Variants in PTK2 observed in about 807,000 individuals in gnomAD.
PTK2 encodes protein tyrosine kinase 2, also known as focal adhesion kinase 1.
In PTK2, 45 loss-of-function variants were observed where a neutral mutation model predicts 150.1. That is an observed-to-expected ratio of 0.30 (90% CI 0.24 to 0.38). PTK2 has a LOEUF of 0.38. PTK2 is among the 10% of genes least tolerant of loss of function. PTK2 has a pLI of 1.00. For synonymous variants in PTK2, 432 were observed against 449.2 expected, an observed-to-expected ratio of 0.96 and a Z score of 0.48; for missense variants, 919 against 1,307.3, an observed-to-expected ratio of 0.70 and a Z score of 4.58.
At chr8:140,743,491 A>G (rs2100056902) in intron 19 of PTK2, among the ~76,000 whole-genome samples, 161 bp from the exon 23 acceptor site, 1 of 152,102 alleles carries the variant, frequency 6.6e-6, no homozygotes. Context: ...TAAATCTCAT[A>G]TATACACACA....
At chr8:140,900,300 AT>A (rs1204637186) in intron 2 of PTK2, among the ~76,000 whole-genome samples, 3 of 152,252 alleles carry the variant, frequency 2.0e-5, no homozygotes, top group Non-Finnish European at 2.9e-5. Context: ...ACAACGAACA[AT>A]GTATAAAATA....
intron 2 of PTK2, among the ~76,000 whole-genome samples, chr8:140,915,637 C>T (rs532228398): frequency 2.0e-5 from 3 of 152,116 alleles, no homozygotes; most frequent in Non-Finnish European, 2.9e-5. Flanking sequence ...TGGCTCACGC[C>T]TGTAATCCCA....
chr8:140,834,688 T>C (rs951697874), intron 7 of PTK2, among the ~76,000 whole-genome samples: 3 of 152,184 alleles, frequency 2.0e-5, no homozygotes, highest in Non-Finnish European at 2.9e-5. Context: ...AACAACTAAC[T>C]ACAACACAGT....
At chr8:140,983,306 G>A (rs931085361) in intron 1 of PTK2, among the ~76,000 whole-genome samples, 10 of 142,212 alleles carry the variant, frequency 7.0e-5, no homozygotes, top group African/African-American at 2.6e-4. Flanking sequence ...AGAATTGCTT[G>A]AACCCAGGAG....
intron 1 of PTK2, among the ~76,000 whole-genome samples, chr8:140,932,222 C>CT (rs1029187889): frequency 2.6e-5 from 4 of 151,864 alleles, no homozygotes; most frequent in Non-Finnish European, 5.9e-5. Context: ...TTTAACATTT[C>CT]TTTTTTTTCT....
intron 14 of PTK2, among the ~76,000 whole-genome samples, chr8:140,774,564 C>T (rs2100077338): frequency 6.6e-6 from 1 of 152,178 alleles, no homozygotes; most frequent in Admixed American, 6.5e-5. Flanking sequence ...ACAACTCCAT[C>T]TTGAATAGGG....
chr8:140,794,689 G>C (rs192663536), intron 12 of PTK2, among the ~76,000 whole-genome samples: 8 of 152,070 alleles, frequency 5.3e-5, no homozygotes, highest in African/African-American at 1.4e-4. Context: ...GCACCTCTTC[G>C]TCTTCTTTAT....
intron 16 of PTK2, among the ~76,000 whole-genome samples, chr8:140,759,353 A>G (rs529711938): frequency 6.6e-6 from 1 of 151,718 alleles, no homozygotes; most frequent in Non-Finnish European, 1.5e-5. Flanking sequence ...GGGCAACATC[A>G]TGGGACCCTG....
At chr8:140,732,256 A>G (rs755348253) in intron 22 of PTK2, among the ~76,000 whole-genome samples, 3 of 152,214 alleles carry the variant, frequency 2.0e-5, no homozygotes, top group African/African-American at 7.2e-5. Context: ...GCCTAATTGT[A>G]TATGTTCAAA....
chr8:140,660,331 C>A (rs1200996077), intron 31 of PTK2, among the ~76,000 whole-genome samples: 5 of 152,170 alleles, frequency 3.3e-5, no homozygotes, highest in Admixed American at 3.3e-4. Flanking sequence ...TCTTTAGTCT[C>A]CAAGCCAGGA....
intron 16 of PTK2, among the ~76,000 whole-genome samples, chr8:140,755,017 C>T (rs1189017913): frequency 6.6e-6 from 1 of 152,140 alleles, no homozygotes; most frequent in African/African-American, 2.4e-5. Flanking sequence ...AATGAAAATA[C>T]CACCTTGTGG....
chr8:140,743,348 G>A lies in PTK2; in HGVS notation c.1635-18C>T, dbSNP rs376561942. ...CAATGTCCCTGATAAAGAAGAATTTGAGACAATAAGACTTAAAATAAGAAA... is the reference window on the plus strand; with the variant it reads ...CAATGTCCCTGATAAAGAAGAATTTAAGACAATAAGACTTAAAATAAGAAA... On this transcript the variant is annotated intron_variant, in intron 19 of 31. Coordinates refer to ENST00000522684, the Ensembl canonical transcript of PTK2. The A allele has an allele frequency of 9.9e-5, 157 of 1,585,998 alleles. No homozygotes were observed. The highest frequency in any genetic ancestry group is 1.2e-4 in the Non-Finnish European group (138 of 1,155,990).
At chr8:140,873,529 G>C (rs747567771) in intron 4 of PTK2, among the ~76,000 whole-genome samples, 2 of 151,956 alleles carry the variant, frequency 1.3e-5, no homozygotes, top group South Asian at 2.1e-4. Context: ...GGAGTGGCAC[G>C]ATCTCGGCTC....
At chr8:140,784,219 A>G (rs1388976682) in intron 14 of PTK2, among the ~76,000 whole-genome samples, 1 of 152,196 alleles carries the variant, frequency 6.6e-6, no homozygotes, top group Admixed American at 6.5e-5. Flanking sequence ...AGACAATCAA[A>G]CCAAGCATTT....
At chr8:140,804,900 C>G (rs140998440) in intron 10 of PTK2, among the ~76,000 whole-genome samples, 1 of 152,302 alleles carries the variant, frequency 6.6e-6, no homozygotes, top group Non-Finnish European at 1.5e-5. Context: ...TCTGCATATT[C>G]TTCCCACTTA....
chr8:140,800,542 G>A (rs1354010603), exon 12 of PTK2: 4 of 1,613,788 alleles, frequency 2.5e-6, no homozygotes, highest in Admixed American at 1.7e-5. Context: ...CATATTCTCC[G>A]CAATGGTTAG....
chr8:140,983,087 T>A (rs928892412), intron 1 of PTK2, among the ~76,000 whole-genome samples: 7 of 152,180 alleles, frequency 4.6e-5, no homozygotes, highest in African/African-American at 4.8e-5. Context: ...AACAAACAGA[T>A]GCTTATTTTA....
intron 16 of PTK2, among the ~76,000 whole-genome samples, chr8:140,760,426 C>T (rs774570672): frequency 2.0e-5 from 3 of 151,938 alleles, no homozygotes; most frequent in Non-Finnish European, 2.9e-5. Context: ...TAACACATAC[C>T]GCAACATGGA....
intron 15 of PTK2, among the ~76,000 whole-genome samples, chr8:140,763,353 T>C (rs912660912): frequency 6.6e-6 from 1 of 152,200 alleles, no homozygotes. Flanking sequence ...ACATTTATTT[T>C]ACAAATATAT....
Sources: gnomAD v4.1 joint callset for allele counts (sites outside exome capture counted in the v4.1 genomes callset) on GRCh38, gnomAD v4.1.1 for gene constraint, MANE v1.5 for transcripts, NCBI Gene and HGNC (gene_info 2026-07-23, HGNC 2026-07-21) for gene names.